PDK1: variants seen among roughly 807,000 people sequenced by gnomAD.
PDK1 encodes pyruvate dehydrogenase kinase 1, also known as [Pyruvate dehydrogenase (acetyl-transferring)] kinase isozyme 1, mitochondrial.
In PDK1, 39 loss-of-function variants were observed where a neutral mutation model predicts 54.2. The ratio of observed to expected loss-of-function variants is 0.72; its 90% CI spans 0.56 to 0.94. The LOEUF is 0.94. Ranked by LOEUF, PDK1 falls within the 40% of genes least tolerant of loss-of-function variation. PDK1 has a pLI of 0.00. For missense variants in PDK1, 552 were observed against 566.0 expected, an observed-to-expected ratio of 0.98 and a Z score of 0.25; for synonymous variants, 221 against 207.1, an observed-to-expected ratio of 1.07 and a Z score of -0.58.
chr2:172,630,236 C>G, the PDK1 span, among the ~76,000 whole-genome samples: 1 of 152,210 alleles, frequency 6.6e-6, no homozygotes, highest in East Asian at 1.9e-4. Flanking sequence ...TTGGGCTTCC[C>G]CTCTGTAAAC....
At chr2:172,578,147 C>T (rs1233280504) in intron 8 of PDK1, among the ~76,000 whole-genome samples, 1 of 152,168 alleles carries the variant, frequency 6.6e-6, no homozygotes, top group East Asian at 1.9e-4. Flanking sequence ...AATATGTTAT[C>T]TCACTGCCTT....
intron 7 of PDK1, among the ~76,000 whole-genome samples, chr2:172,570,305 C>A (rs113394379): frequency 0.013 from 1,931 of 152,186 alleles, 46 homozygotes; most frequent in African/African-American, 0.043. Flanking sequence ...ATACGACCAT[C>A]GCTGTTACTA....
At chr2:172,671,206 C>T in the PDK1 span, among the ~76,000 whole-genome samples, 4 of 150,798 alleles carry the variant, frequency 2.7e-5, no homozygotes, top group Middle Eastern at 3.2e-3. Flanking sequence ...ACTTGTTTTG[C>T]GTCATCCTAG....
At chr2:172,664,696 G>A in the PDK1 span, among the ~76,000 whole-genome samples, 4 of 149,390 alleles carry the variant, frequency 2.7e-5, no homozygotes, top group African/African-American at 7.7e-5. Flanking sequence ...TGTCTTCCAT[G>A]TCTGCTACTC....
intron 8 of PDK1, among the ~76,000 whole-genome samples, chr2:172,582,324 G>A (rs1689957302): frequency 6.6e-6 from 1 of 152,194 alleles, no homozygotes; most frequent in Admixed American, 6.5e-5. Context: ...AACTCTGGGT[G>A]AATACAGGGA....
At chr2:172,678,019 A>G in the PDK1 span, among the ~76,000 whole-genome samples, 9 of 152,238 alleles carry the variant, frequency 5.9e-5, no homozygotes, top group African/African-American at 2.2e-4. Flanking sequence ...AAATACAAAA[A>G]TTAGCCGGGC....
the PDK1 span, among the ~76,000 whole-genome samples, chr2:172,710,385 A>G: frequency 1.3e-5 from 2 of 152,268 alleles, no homozygotes; most frequent in African/African-American, 4.8e-5. Flanking sequence ...AAGAAATAAA[A>G]CACTTTCATT....
chr2:172,685,268 C>T, the PDK1 span, among the ~76,000 whole-genome samples: 1 of 152,210 alleles, frequency 6.6e-6, no homozygotes, highest in Non-Finnish European at 1.5e-5. Context: ...CTCTTCAAAA[C>T]AGTCCCTGAA....
At chr2:172,577,835 A>G (rs1232415795) in intron 8 of PDK1, among the ~76,000 whole-genome samples, 1 of 152,232 alleles carries the variant, frequency 6.6e-6, no homozygotes, top group Non-Finnish European at 1.5e-5. Flanking sequence ...CTTTTAAATC[A>G]GATAGGACAC....
the PDK1 span, among the ~76,000 whole-genome samples, chr2:172,708,378 T>A: frequency 6.6e-6 from 1 of 152,214 alleles, no homozygotes. Context: ...TTGGTTTTTG[T>A]TGATATTTAA....
chr2:172,643,140 A>G, the PDK1 span, among the ~76,000 whole-genome samples: 9 of 152,110 alleles, frequency 5.9e-5, no homozygotes, highest in African/African-American at 2.2e-4. Context: ...TCTTTTTGGA[A>G]TGTCATGTTT....
At chr2:172,673,827 C>T in the PDK1 span, among the ~76,000 whole-genome samples, 1 of 152,296 alleles carries the variant, frequency 6.6e-6, no homozygotes. Flanking sequence ...CAATTGGTCC[C>T]ATGAATTACA....
chr2:172,694,687 T>C, the PDK1 span, among the ~76,000 whole-genome samples: 40 of 152,260 alleles, frequency 2.6e-4, no homozygotes, highest in African/African-American at 9.4e-4. Flanking sequence ...AGGGATAGAC[T>C]CTGGCCACCC....
chr2:172,629,450 A>G, the PDK1 span, among the ~76,000 whole-genome samples: 1 of 152,138 alleles, frequency 6.6e-6, no homozygotes, highest in East Asian at 1.9e-4. Context: ...CTTCAGAGGG[A>G]TGGTTTGACA....
the PDK1 span, among the ~76,000 whole-genome samples, chr2:172,616,541 T>A: frequency 6.6e-6 from 1 of 152,122 alleles, no homozygotes; most frequent in African/African-American, 2.4e-5. Flanking sequence ...GGTGAGGGGA[T>A]GATAAGTGCA....
At chr2:172,628,560 G>T in the PDK1 span, among the ~76,000 whole-genome samples, 2 of 151,950 alleles carry the variant, frequency 1.3e-5, no homozygotes, top group African/African-American at 2.4e-5. Context: ...TATGGCCTTG[G>T]TTATATAAAC....
At chr2:172,710,511 A>G in the PDK1 span, among the ~76,000 whole-genome samples, 1 of 152,234 alleles carries the variant, frequency 6.6e-6, no homozygotes, top group African/African-American at 2.4e-5. Context: ...TTATACATAT[A>G]CAAAGTTTTA....
chr2:172,670,500 G>A, the PDK1 span, among the ~76,000 whole-genome samples: 1 of 152,146 alleles, frequency 6.6e-6, no homozygotes, highest in East Asian at 1.9e-4. Flanking sequence ...TCTTAGTAAT[G>A]TGTGAATATT....
chr2:172,623,933 A>G, the PDK1 span, among the ~76,000 whole-genome samples: 1 of 152,190 alleles, frequency 6.6e-6, no homozygotes, highest in African/African-American at 2.4e-5. Context: ...CAAAAATTTG[A>G]TGGGAGATTA....
Sources: allele counts gnomAD v4.1 joint callset (sites outside exome capture counted in the v4.1 genomes callset), GRCh38; gene constraint gnomAD v4.1.1; transcripts MANE v1.5; gene names NCBI Gene and HGNC (gene_info 2026-07-23, HGNC 2026-07-21).